The following ARHGAP15 variants were observed in gnomAD, a reference collection of about 807,000 sequenced individuals.
The protein encoded by ARHGAP15 is Rho GTPase activating protein 15.
In ARHGAP15, 51 loss-of-function variants were observed where a neutral mutation model predicts 63.7. The ratio of observed to expected loss-of-function variants is 0.80; its 90% CI spans 0.64 to 1.01. The LOEUF (loss-of-function observed/expected upper bound fraction) is 1.01. Ranked by LOEUF, ARHGAP15 falls within the 50% of genes least tolerant of loss-of-function variation. The pLI, the probability that ARHGAP15 is intolerant of heterozygous loss-of-function variation, is 0.00. For missense variants in ARHGAP15, 560 were observed against 564.6 expected (o/e 0.99, Z 0.08); for synonymous variants, 191 against 193.8 (o/e 0.99, Z 0.12).
intron 10 of ARHGAP15, among the ~76,000 whole-genome samples, chr2:143,536,294 A>C (rs1694755861): frequency 6.6e-6 from 1 of 152,166 alleles, no homozygotes; most frequent in African/African-American, 2.4e-5. Context: ...GAGTGAGATC[A>C]TGCAATACGT....
At chr2:143,714,957 T>C (rs1684742553) in intron 13 of ARHGAP15, among the ~76,000 whole-genome samples, 1 of 152,228 alleles carries the variant, frequency 6.6e-6, no homozygotes, top group Non-Finnish European at 1.5e-5. Context: ...CCTCTGCCTG[T>C]TACCCAGTTC....
At chr2:143,187,910 A>T (rs1026151219) in intron 2 of ARHGAP15, among the ~76,000 whole-genome samples, 10 of 152,310 alleles carry the variant, frequency 6.6e-5, no homozygotes, top group African/African-American at 1.9e-4. Context: ...ATCAATATTT[A>T]TGTTTATTAA....
At chr2:143,493,983 T>C (rs1692702073) in intron 9 of ARHGAP15, among the ~76,000 whole-genome samples, 1 of 152,166 alleles carries the variant, frequency 6.6e-6, no homozygotes, top group African/African-American at 2.4e-5. Flanking sequence ...ACTTTGAATT[T>C]CTCTCTCTCA....
intron 6 of ARHGAP15, among the ~76,000 whole-genome samples, chr2:143,330,331 T>C (rs989607289): frequency 7.2e-5 from 11 of 151,788 alleles, no homozygotes; most frequent in African/African-American, 1.9e-4. Flanking sequence ...AGATATAACT[T>C]TTAACTATCC....
intron 8 of ARHGAP15, among the ~76,000 whole-genome samples, chr2:143,470,215 T>C (rs965907553): frequency 6.6e-5 from 10 of 151,526 alleles, no homozygotes; most frequent in African/African-American, 2.4e-4. Flanking sequence ...GAGCTCAACA[T>C]GATTTGGCAC....
chr2:143,528,798 G>A (rs374290514), intron 10 of ARHGAP15, among the ~76,000 whole-genome samples: 2 of 152,056 alleles, frequency 1.3e-5, no homozygotes, highest in African/African-American at 4.8e-5. Flanking sequence ...ACAACAGTGA[G>A]ATTTTTTTCT....
intron 2 of ARHGAP15, among the ~76,000 whole-genome samples, chr2:143,201,459 T>TAATTGG: frequency 6.6e-6 from 1 of 151,924 alleles, no homozygotes; most frequent in East Asian, 1.9e-4. Flanking sequence ...CAAATCAGGG[T>TAATTGG]AATTGGGGTA....
intron 12 of ARHGAP15, among the ~76,000 whole-genome samples, chr2:143,624,582 C>G (rs1019927956): frequency 6.6e-6 from 1 of 152,090 alleles, no homozygotes; most frequent in African/African-American, 2.4e-5. Flanking sequence ...GTGTGCACCC[C>G]TCATCTCTGC....
intron 6 of ARHGAP15, among the ~76,000 whole-genome samples, chr2:143,335,788 C>T (rs539478051): frequency 6.6e-6 from 1 of 151,978 alleles, no homozygotes; most frequent in Non-Finnish European, 1.5e-5. Flanking sequence ...GTAAATTACC[C>T]AGACTGGGAA....
At chr2:143,476,511 C>T (rs191784266) in intron 8 of ARHGAP15, among the ~76,000 whole-genome samples, 258 of 152,316 alleles carry the variant, frequency 1.7e-3, no homozygotes, top group Non-Finnish European at 3.0e-3. Context: ...CAGCCCTATG[C>T]ATATGTGTGT....
At chr2:143,376,687 TATA>T (rs1401587166) in intron 6 of ARHGAP15, among the ~76,000 whole-genome samples, 1 of 151,864 alleles carries the variant, frequency 6.6e-6, no homozygotes, top group Non-Finnish European at 1.5e-5. Context: ...TCATTAATAT[TATA>T]ATAATTTAAT....
intron 6 of ARHGAP15, among the ~76,000 whole-genome samples, chr2:143,251,732 G>A (rs1438730565): frequency 1.3e-5 from 2 of 151,936 alleles, no homozygotes; most frequent in Non-Finnish European, 2.9e-5. Context: ...AAAAAGGAAG[G>A]AAGGAAATAA....
At position 143,407,071 on chromosome 2, in the gene ARHGAP15, A is replaced by G. The variant is rs554455144; in HGVS notation, c.475-28530A>G. Among the ~76,000 whole-genome samples, 173 of 152,082 alleles carry G rather than the reference A, an allele frequency of 1.1e-3. 1 individual carries two copies. The highest frequency in any genetic ancestry group is 2.2e-3 in the Admixed American group (34 of 15,254). On this transcript the variant is annotated intron_variant, in intron 6 of 13. Coordinates refer to ENST00000295095, the MANE Select transcript of ARHGAP15 (RefSeq NM_018460.4). ...AGGAAAAAAATCTGGTGAAAAATAGAAATATTTGGGCTACCATTTATTCAT... is the reference window on the plus strand; with the variant it reads ...AGGAAAAAAATCTGGTGAAAAATAGGAATATTTGGGCTACCATTTATTCAT...
At chr2:143,755,210 GC>G (rs1686529153) in intron 13 of ARHGAP15, among the ~76,000 whole-genome samples, 2 of 150,102 alleles carry the variant, frequency 1.3e-5, no homozygotes, top group Admixed American at 6.6e-5. Flanking sequence ...GGAACTCATA[GC>G]CTTTTTTGGT....
At chr2:143,734,712 G>A (rs1170868720) in intron 13 of ARHGAP15, among the ~76,000 whole-genome samples, 1 of 152,196 alleles carries the variant, frequency 6.6e-6, no homozygotes, top group Non-Finnish European at 1.5e-5. Context: ...ATTTTGGGAT[G>A]TGCTGCGCTG....
At chr2:143,517,317 A>G (rs1033301492) in intron 9 of ARHGAP15, among the ~76,000 whole-genome samples, 2 of 152,184 alleles carry the variant, frequency 1.3e-5, no homozygotes, top group African/African-American at 2.4e-5. Context: ...AATTCAAACC[A>G]TTATGTTTTC....
intron 6 of ARHGAP15, among the ~76,000 whole-genome samples, chr2:143,318,345 T>C (rs1044539275): frequency 3.3e-5 from 5 of 152,020 alleles, no homozygotes; most frequent in African/African-American, 9.7e-5. Flanking sequence ...AGGGTACTAA[T>C]ATAAGCTGTG....
chr2:143,183,951 C>T (rs577433511), intron 2 of ARHGAP15, among the ~76,000 whole-genome samples: 4 of 152,098 alleles, frequency 2.6e-5, no homozygotes, highest in Admixed American at 6.6e-5. Flanking sequence ...CTCTTGAGAG[C>T]TCGTTCTTTC....
intron 11 of ARHGAP15, among the ~76,000 whole-genome samples, chr2:143,579,727 A>G (rs1696816741): frequency 1.3e-5 from 2 of 151,514 alleles, no homozygotes; most frequent in Admixed American, 1.3e-4. Context: ...GCAACTTCCT[A>G]AGTAGAAGAT....
Sources: allele counts gnomAD v4.1 joint callset (sites outside exome capture counted in the v4.1 genomes callset), GRCh38; gene constraint gnomAD v4.1.1; transcripts MANE v1.5; gene names NCBI Gene and HGNC (gene_info 2026-07-23, HGNC 2026-07-21).